The following PCDH9 variants were observed in gnomAD, a reference collection of about 807,000 sequenced individuals.
The protein encoded by PCDH9 is protocadherin 9, also known as protocadherin-9.
A neutral mutation model predicts 70.6 loss-of-function variants in PCDH9; 24 were observed. That is an observed-to-expected ratio of 0.34 (90% CI 0.25 to 0.48). PCDH9 has a LOEUF of 0.48. Among genes scored for constraint, PCDH9 ranks in the 20% least tolerant of loss-of-function variants. The pLI is 0.99. For missense variants in PCDH9, 1,281 were observed against 1,503.6 expected, an observed-to-expected ratio of 0.85 and a Z score of 2.45; for synonymous variants, 562 against 558.5, an observed-to-expected ratio of 1.01 and a Z score of -0.09.
chr13:66,945,759 C>T (rs2083078195), intron 2 of PCDH9, among the ~76,000 whole-genome samples: 1 of 152,088 alleles, frequency 6.6e-6, no homozygotes, highest in Non-Finnish European at 1.5e-5. Context: ...TTGTTCTTCC[C>T]TTCCCATGTT....
chr13:66,703,414 C>G (rs1034692064), intron 3 of PCDH9, among the ~76,000 whole-genome samples: 41 of 152,294 alleles, frequency 2.7e-4, no homozygotes, highest in African/African-American at 9.4e-4. Flanking sequence ...ATTTTAATAA[C>G]TGACCTAATG....
intron 3 of PCDH9, among the ~76,000 whole-genome samples, chr13:66,858,739 T>C (rs114475677): frequency 0.03 from 4,626 of 152,276 alleles, 243 homozygotes; most frequent in African/African-American, 0.1. Flanking sequence ...TTGATACGAA[T>C]TTAATAATAA....
chr13:67,052,545 T>C (rs1246404267), intron 2 of PCDH9, among the ~76,000 whole-genome samples: 1 of 151,592 alleles, frequency 6.6e-6, no homozygotes. Context: ...AAGATCAATC[T>C]AGCAGCAGCT....
chr13:66,677,179 C>A (rs2078255130), intron 3 of PCDH9, among the ~76,000 whole-genome samples: 1 of 151,902 alleles, frequency 6.6e-6, no homozygotes, highest in African/African-American at 2.4e-5. Flanking sequence ...GCCCAGACAG[C>A]AATTTTAAGA....
intron 4 of PCDH9, among the ~76,000 whole-genome samples, chr13:66,566,222 T>G (rs190074878): frequency 1.6e-4 from 24 of 152,258 alleles, no homozygotes; most frequent in Admixed American, 3.9e-4. Context: ...GGAAAATACT[T>G]TGTAGGAATG....
rs887694850 is a variant in PCDH9, at chr13:67,224,794, T to C, written c.3036+611A>G. 8 of 888,494 alleles carry C rather than the reference T, an allele frequency of 9.0e-6. No homozygotes were observed. The African/African-American group carries it at 1.3e-4, about 14-fold the overall frequency. 55.0% of individuals were successfully genotyped at this position (888,494 alleles called of 1,614,324 possible). A position where few individuals can be genotyped will look rare whatever the true frequency, so the allele number is the denominator to read the frequency against. ...GGACACTAAAAATCTTTCTATTAAG[T>C]ACCGAATTTAATATATTACAATAAA... On this transcript the variant is annotated intron_variant, in intron 2 of 4. Transcript: ENST00000377865.
At chr13:66,820,453 TC>T (rs2080690814) in intron 3 of PCDH9, among the ~76,000 whole-genome samples, 1 of 152,006 alleles carries the variant, frequency 6.6e-6, no homozygotes, top group African/African-American at 2.4e-5. Context: ...TTGCTCAGAG[TC>T]CTAAAGACAG....
chr13:66,639,208 GC>G (rs2077678351), intron 3 of PCDH9, among the ~76,000 whole-genome samples: 1 of 152,166 alleles, frequency 6.6e-6, no homozygotes, highest in African/African-American at 2.4e-5. Context: ...CTAAGCAACT[GC>G]TTTGTTTGAG....
chr13:66,957,309 T>C (rs2083279360), intron 2 of PCDH9, among the ~76,000 whole-genome samples: 1 of 152,170 alleles, frequency 6.6e-6, no homozygotes, highest in South Asian at 2.1e-4. Flanking sequence ...TACACTTACT[T>C]TTGTCCAGCT....
chr13:66,616,835 C>T (rs2077362281), intron 4 of PCDH9, among the ~76,000 whole-genome samples: 1 of 152,110 alleles, frequency 6.6e-6, no homozygotes, highest in African/African-American at 2.4e-5. Flanking sequence ...TCCGCAGTTT[C>T]ACCTTAGCAT....
chr13:66,817,756 A>T lies in PCDH9; in HGVS notation c.3138+85748T>A, dbSNP rs150831496. Among the ~76,000 whole-genome samples the T allele has an allele frequency of 7.2e-3, 1,098 of 152,072 alleles. 10 individuals carry two copies. The highest frequency in any genetic ancestry group is 0.025 in the African/African-American group (1,044 of 41,484). On this transcript the variant is annotated intron_variant, in intron 3 of 4. Coordinates refer to ENST00000377865, the MANE Select transcript of PCDH9 (RefSeq NM_203487.3). Reference sequence around the variant, plus strand: ...GCAATCTTCCTGCCTCAGCCCTCCAAGCATTAACAGCTGGCAACACAGGTG... The same window carrying T: ...GCAATCTTCCTGCCTCAGCCCTCCATGCATTAACAGCTGGCAACACAGGTG...
At chr13:67,040,727 G>A (rs1231969680) in intron 2 of PCDH9, among the ~76,000 whole-genome samples, 1 of 152,154 alleles carries the variant, frequency 6.6e-6, no homozygotes, top group Non-Finnish European at 1.5e-5. Flanking sequence ...GTGGGGAAGT[G>A]GAGGTCAGGG....
intron 2 of PCDH9, among the ~76,000 whole-genome samples, chr13:67,190,998 CA>C (rs1226954423): frequency 6.6e-6 from 1 of 152,074 alleles, no homozygotes; most frequent in East Asian, 1.9e-4. Flanking sequence ...AAGAAGTTCT[CA>C]AGGTCTTGAC....
chr13:66,581,151 A>G (rs1486077452), intron 4 of PCDH9, among the ~76,000 whole-genome samples: 1 of 152,188 alleles, frequency 6.6e-6, no homozygotes, highest in African/African-American at 2.4e-5. Context: ...AGAAACCATG[A>G]AATGGTAATT....
chr13:66,519,260 C>A lies in PCDH9; in HGVS notation c.3340+111950G>T, dbSNP rs1292536330. On this transcript the variant is annotated intron_variant, in intron 4 of 4. Transcript: ENST00000377865. The stretch of plus-strand genomic sequence containing the variant: ...ATATATAAAAATCCTTTAAAAAAAA[C>A]CAGATACCTGGTAAGATCTATATTA... Among the ~76,000 whole-genome samples, 4 of 152,028 alleles carry A rather than the reference C, an allele frequency of 2.6e-5. No homozygotes were observed. In the South Asian group the frequency reaches 6.2e-4, roughly 24 times the overall value.
chr13:66,527,066 C>T (rs1412738861), intron 4 of PCDH9, among the ~76,000 whole-genome samples: 4 of 152,072 alleles, frequency 2.6e-5, no homozygotes, highest in East Asian at 1.9e-4. Flanking sequence ...TGTTGAGATG[C>T]GAAAGCCAAC....
chr13:66,521,246 C>T (rs1959972099), intron 4 of PCDH9, among the ~76,000 whole-genome samples: 2 of 152,040 alleles, frequency 1.3e-5, no homozygotes. Flanking sequence ...TTAGCCTTTC[C>T]ATGTGTTGAG....
Position 66,363,920 on chromosome 13 carries a change from C to T in PCDH9, c.3341-58892G>A, listed in dbSNP as rs552315382. 3.0e-4 allele frequency among the ~76,000 whole-genome samples: 45 copies of T among 152,022 alleles called. No individual in the cohort carries two copies. In the East Asian group the frequency reaches 7.9e-3, roughly 27 times the overall value. ...CTGTAATCCCAACACTTTGGGAGGCCGAGGCAGGTGGATCACCTGAGGTCA... is the reference window on the plus strand; with the variant it reads ...CTGTAATCCCAACACTTTGGGAGGCTGAGGCAGGTGGATCACCTGAGGTCA... On this transcript the variant is annotated intron_variant, in intron 4 of 4. Coordinates refer to ENST00000377865, the MANE Select transcript of PCDH9 (RefSeq NM_203487.3).
chr13:66,881,202 T>G (rs559466021), intron 3 of PCDH9, among the ~76,000 whole-genome samples: 10 of 152,286 alleles, frequency 6.6e-5, no homozygotes, highest in African/African-American at 2.2e-4. Context: ...GTTAGGGAAG[T>G]GTTTTATATT....
Sources: gnomAD v4.1 joint callset for allele counts (sites outside exome capture counted in the v4.1 genomes callset) on GRCh38, gnomAD v4.1.1 for gene constraint, MANE v1.5 for transcripts, NCBI Gene and HGNC (gene_info 2026-07-23, HGNC 2026-07-21) for gene names.